MICAL2: variants seen among roughly 807,000 people sequenced by gnomAD.
MICAL2 encodes microtubule associated monooxygenase, calponin and LIM domain containing 2.
Under a neutral mutation model 127.3 loss-of-function variants are expected in MICAL2, and 77 were observed. The observed-to-expected ratio is 0.60, with a 90% CI of 0.50 to 0.73. The LOEUF is 0.73. Among genes scored for constraint, MICAL2 ranks in the 30% least tolerant of loss-of-function variants. The pLI, the probability that MICAL2 is intolerant of heterozygous loss-of-function variation, is 0.00. For missense variants in MICAL2, 1,351 were observed against 1,434.4 expected (o/e 0.94, Z 0.94); for synonymous variants, 570 against 551.1 (o/e 1.03, Z -0.48).
chr11:12,269,851 C>T lies in MICAL2; in HGVS notation c.3335-6135C>T, dbSNP rs1863654979. On this transcript the variant is annotated intron_variant, in intron 24 of 34. Transcript: ENST00000646065. ...GTATCTGCACACCTACACACACGGG[C>T]CAGGTCCACTCCTGGAAGGAGTACA... 3.3e-5 allele frequency among the ~76,000 whole-genome samples: 5 copies of T among 152,200 alleles called. No individual in the cohort carries two copies. In the South Asian group the frequency reaches 1.0e-3, roughly 31 times the overall value.
At chr11:12,241,200 C>T (rs567281308) in intron 18 of MICAL2, 38 bp downstream of exon 18, 3 of 1,594,676 alleles carry the variant, frequency 1.9e-6, no homozygotes, top group African/African-American at 1.3e-5. Context: ...TTGGTGAAGC[C>T]AGAGGGGACT....
chr11:12,228,392 C>T (rs1463799799), intron 15 of MICAL2, among the ~76,000 whole-genome samples: 2 of 152,196 alleles, frequency 1.3e-5, no homozygotes, highest in Non-Finnish European at 2.9e-5. Context: ...ACCTGCTACT[C>T]CGTTGTACTT....
rs558616006 is a variant in MICAL2 at position 12,227,397 on chromosome 11, A to G, written c.1995+266A>G. Reference sequence around the variant, plus strand: ...GAACATATTGGTGAATGCTTTTACAAGTAAATCAGATCAGCTCTGCTTCCT... The same window carrying G: ...GAACATATTGGTGAATGCTTTTACAGGTAAATCAGATCAGCTCTGCTTCCT... On this transcript the variant is annotated intron_variant, in intron 15 of 27. Transcript: ENST00000683283. 3.2e-4 allele frequency among the ~76,000 whole-genome samples: 48 copies of G among 152,234 alleles called. 1 individual carries two copies. The highest frequency in any genetic ancestry group is 2.2e-3 in the Admixed American group (34 of 15,276).
At chr11:12,194,313 G>C (rs1294025650) in intron 3 of MICAL2, among the ~76,000 whole-genome samples, 1 of 152,234 alleles carries the variant, frequency 6.6e-6, no homozygotes, top group Non-Finnish European at 1.5e-5. Flanking sequence ...ACAGCTGTAA[G>C]ACATGGATGA....
In MICAL2 at chr11:12,177,118, A is replaced by G. The variant is rs566314464; in HGVS notation, c.264+14699A>G. 1.2e-4 allele frequency among the ~76,000 whole-genome samples: 18 copies of G among 152,270 alleles called. No homozygotes were observed. The South Asian group carries it at 3.3e-3, about 28-fold the overall frequency. On this transcript the variant is annotated intron_variant, in intron 3 of 27. Coordinates refer to ENST00000683283, the MANE Select transcript of MICAL2 (RefSeq NM_001282663.2). ...AGTAGTTGTACCATTTTATATTCCT[A>G]CTAGCAATGTCCAAGGGTTGAATTT...
At chr11:12,334,284 G>T (rs1411303227) in intron 32 of MICAL2, among the ~76,000 whole-genome samples, 1 of 152,058 alleles carries the variant, frequency 6.6e-6, no homozygotes, top group African/African-American at 2.4e-5. Context: ...TTGCATACTT[G>T]AAATCATCTC....
downstream of MICAL2, among the ~76,000 whole-genome samples, chr11:12,288,031 G>A (rs918055411): frequency 3.9e-5 from 6 of 152,194 alleles, no homozygotes; most frequent in Admixed American, 6.5e-5. Context: ...TTCCTTCTGA[G>A]TCAAGGCTCC....
At chr11:12,235,943 G>A (rs1023036209) in intron 15 of MICAL2, among the ~76,000 whole-genome samples, 2 of 152,210 alleles carry the variant, frequency 1.3e-5, no homozygotes, top group African/African-American at 4.8e-5. Context: ...CGAAGCCTTG[G>A]CTCCCTAGGT....
intron 3 of MICAL2, chr11:12,197,753 T>A (rs950690956): frequency 2.0e-5 from 3 of 152,204 alleles, no homozygotes; most frequent in African/African-American, 7.2e-5. Flanking sequence ...GCAGAATGTC[T>A]GCGAATAAAA....
intron 34 of MICAL2, chr11:12,358,267 G>T (rs768692169): frequency 3.4e-5 from 55 of 1,608,888 alleles, no homozygotes; most frequent in Non-Finnish European, 3.9e-5. Context: ...TCTTCTCTGA[G>T]CCCAGTGGTT....
intron 4 of MICAL2, among the ~76,000 whole-genome samples, chr11:12,207,250 G>A (rs1240071036): frequency 6.6e-6 from 1 of 152,004 alleles, no homozygotes; most frequent in African/African-American, 2.4e-5. Context: ...ATTTACCTCT[G>A]TTCCCTCCAT....
chr11:12,146,431 C>T (rs1040694427), intron 2 of MICAL2, among the ~76,000 whole-genome samples: 5 of 152,216 alleles, frequency 3.3e-5, no homozygotes, highest in Non-Finnish European at 7.3e-5. Context: ...CAAAAGAAGA[C>T]ATTTATGCAG....
chr11:12,323,219 A>AT (rs1864319277), intron 30 of MICAL2, among the ~76,000 whole-genome samples: 1 of 152,178 alleles, frequency 6.6e-6, no homozygotes, highest in South Asian at 2.1e-4. Context: ...TCAATTTAAA[A>AT]TTTTTTTAAC....
At position 12,208,234 on chromosome 11, in the gene MICAL2, T is replaced by A. The variant is rs1854978520; in HGVS notation, c.589+95T>A. 1.2e-5 allele frequency: 12 copies of A among 977,750 alleles called. No individual in the cohort carries two copies. In the South Asian group the frequency reaches 1.7e-4, roughly 14 times the overall value. The allele number at this position is 977,750 out of a possible 1,614,324, so 60.6% of individuals were successfully genotyped here. On this transcript the variant is annotated intron_variant, in intron 5 of 27. Coordinates refer to ENST00000683283, the MANE Select transcript of MICAL2 (RefSeq NM_001282663.2). ...CAAAGGGTGTTTCTGTAGGAGTTAT[T>A]CTTACTGGGAGCTGGTTGGCATAAT... is the stretch of plus-strand genomic sequence containing the variant.
chr11:12,184,898 C>T (rs1857959288), intron 3 of MICAL2, among the ~76,000 whole-genome samples: 2 of 151,458 alleles, frequency 1.3e-5, no homozygotes, highest in African/African-American at 2.4e-5. Context: ...CCTGAATCAT[C>T]TGCCTTGTAA....
chr11:12,154,355 A>G (rs188727475), intron 2 of MICAL2, among the ~76,000 whole-genome samples: 11 of 152,204 alleles, frequency 7.2e-5, no homozygotes, highest in Non-Finnish European at 1.0e-4. Flanking sequence ...TGGAGAAGAT[A>G]AGATACAGGA....
chr11:12,316,337 T>A (rs1864231254), intron 29 of MICAL2, among the ~76,000 whole-genome samples: 1 of 151,916 alleles, frequency 6.6e-6, no homozygotes, highest in Admixed American at 6.5e-5. Flanking sequence ...TGTCTTCAAT[T>A]TCTTTTATTA....
At chr11:12,277,757 A>G (rs541513390) in intron 1 of MICAL2, among the ~76,000 whole-genome samples, 80 of 152,342 alleles carry the variant, frequency 5.3e-4, no homozygotes, top group African/African-American at 1.9e-3. Context: ...TAGCCGAGAT[A>G]TGTTCTAAGA....
At position 12,220,316 on chromosome 11, in the gene MICAL2, A is replaced by G. The variant is rs1279176261; in HGVS notation, c.1064A>G (p.Asp355Gly). The G allele has an allele frequency of 1.2e-6, 2 of 1,614,046 alleles. No individual in the cohort carries two copies. The highest frequency in any genetic ancestry group is 1.7e-6 in the Non-Finnish European group (2 of 1,180,030). ...ACCAACTACCAGCTGCCATCCTTAG[A>G]CTTTGCCATGAACCACTATGGGCAG... The part of the protein sequence containing the change: ...FATNYQLPSL[D>G]FAMNHYGQPD... The change falls in exon 9 of 28, where the codon GAC (aspartate) becomes GGC (glycine). Residue 355 changes from aspartate (D) to glycine (G), a missense_variant. Coordinates refer to ENST00000683283, the MANE Select transcript of MICAL2 (RefSeq NM_001282663.2).
Sources: allele counts gnomAD v4.1 joint callset (sites outside exome capture counted in the v4.1 genomes callset), GRCh38; gene constraint gnomAD v4.1.1; transcripts MANE v1.5; gene names NCBI Gene and HGNC (gene_info 2026-07-23, HGNC 2026-07-21).